Variants in FBXW4 observed in about 807,000 individuals in gnomAD.
FBXW4 encodes F-box and WD repeat domain containing 4.
A neutral mutation model predicts 61.8 loss-of-function variants in FBXW4; 40 were observed. The ratio of observed to expected loss-of-function variants is 0.65; its 90% CI spans 0.50 to 0.84. The LOEUF (loss-of-function observed/expected upper bound fraction) is 0.84, where lower values mean the gene tolerates loss of function less well. FBXW4 is among the 40% of genes least tolerant of loss of function. The pLI is 0.00. For synonymous variants in FBXW4, 311 were observed against 313.8 expected, an observed-to-expected ratio of 0.99 and a Z score of 0.10; for missense variants, 672 against 753.8, an observed-to-expected ratio of 0.89 and a Z score of 1.27.
chr10:101,611,638 G>A lies in FBXW4; in HGVS notation c.1574C>T (p.Ala525Val). 2 of 1,614,172 alleles carry A rather than the reference G, an allele frequency of 1.2e-6. No individual in the cohort carries two copies. Among genetic ancestry groups the A allele is most frequent in the East Asian group, 2.2e-5 (1 of 44,886 alleles). Residue 525 changes from alanine to valine, a missense_variant, in exon 8 of 9, where the codon GCC becomes GTC. Ala to Val is a moderately conservative substitution (Grantham distance 64, BLOSUM62 0). Around this residue, in one of 5 missense-constraint regions of FBXW4, gnomAD observed 312 missense variants for 370.1 expected, o/e 0.84. Coordinates refer to ENST00000331272, the MANE Select transcript of FBXW4 (RefSeq NM_022039.4). The surrounding 1 kb of genome is among the most constrained non-coding windows in gnomAD (Gnocchi z 4.9). ...GGGCAGGACACTTACGTGCAGGCAG[G>A]CCCTTTGACGCCGGTCCCACAGCCG... is the stretch of plus-strand genomic sequence containing the variant. ...VVRLWDRRQRACLHAFPLTST... is the reference protein window; with the variant it reads ...VVRLWDRRQRVCLHAFPLTST...
intron 5 of FBXW4, among the ~76,000 whole-genome samples, chr10:101,638,427 T>C (rs1319562692): frequency 1.3e-5 from 2 of 150,382 alleles, no homozygotes; most frequent in Non-Finnish European, 2.9e-5. Flanking sequence ...GATGAAACTA[T>C]ATGATATCTG....
intron 4 of FBXW4, among the ~76,000 whole-genome samples, chr10:101,669,380 CTCCCTGGGAGGCAGAT>C (rs2064337134): frequency 2.0e-5 from 3 of 152,300 alleles, no homozygotes; most frequent in Admixed American, 2.0e-4. Flanking sequence ...CTGACACAAA[CTCCCTGGGAGGCAGAT>C]TCTTTCTTAG....
At chr10:101,665,208 A>C (rs923653427) in intron 5 of FBXW4, among the ~76,000 whole-genome samples, 16 of 152,222 alleles carry the variant, frequency 1.1e-4, no homozygotes, top group African/African-American at 3.6e-4. Context: ...AAAGAGGCAG[A>C]GATAACACCG....
At chr10:101,625,690 AG>A (rs955834860) in intron 5 of FBXW4, 1 of 152,250 alleles carries the variant, frequency 6.6e-6, no homozygotes, top group Non-Finnish European at 1.5e-5. Flanking sequence ...AACTCTTGTT[AG>A]AGGATTTGGT....
chr10:101,673,014 G>A lies in FBXW4; in HGVS notation c.1041C>T (p.Ser347=). 6.2e-7 allele frequency: 1 copy of A among 1,613,856 alleles called. No homozygotes were observed. Among genetic ancestry groups the A allele is most frequent in the Non-Finnish European group, 8.5e-7 (1 of 1,179,970 alleles). The part of the protein sequence containing the change: ...DGKIGIHKIH[S]TFTVKYSAHE... Reference sequence around the variant, plus strand: ...GAGCCGAGTACTTGACAGTGAAGGTGCTGTGAATCTTATGAATGCCAATCT... The same window carrying A: ...GAGCCGAGTACTTGACAGTGAAGGTACTGTGAATCTTATGAATGCCAATCT... Residue 347 remains serine, a synonymous_variant, in exon 4 of 9, where the codon AGC becomes AGT. Transcript: ENST00000331272.
At chr10:101,684,549 C>G (rs1007986249) in intron 1 of FBXW4, among the ~76,000 whole-genome samples, 1 of 152,096 alleles carries the variant, frequency 6.6e-6, no homozygotes, top group African/African-American at 2.4e-5. Context: ...GTGTGAGCCA[C>G]AGCACCAGGC....
intron 1 of FBXW4, among the ~76,000 whole-genome samples, chr10:101,692,746 C>CAAAAA (rs61631625): frequency 1.3e-4 from 11 of 85,152 alleles, no homozygotes; most frequent in Non-Finnish European, 1.9e-4. Context: ...AACTCCGTCT[C>CAAAAA]AAAAAAAAAA....
intron 5 of FBXW4, chr10:101,625,078 C>G (rs1263466683): frequency 1.9e-6 from 1 of 527,314 alleles, no homozygotes; most frequent in Non-Finnish European, 3.4e-6. Context: ...GTGGTCTCTG[C>G]ACACCATAAA....
At chr10:101,676,235 A>G in intron 2 of FBXW4, 106 bp downstream of exon 2, 3 of 734,862 alleles carry the variant, frequency 4.1e-6, no homozygotes, top group Non-Finnish European at 6.6e-6. Flanking sequence ...ACCAGTGCCC[A>G]CCCACCCAAG....
chr10:101,614,348 A>G (rs1429578523), intron 6 of FBXW4, among the ~76,000 whole-genome samples: 1 of 152,214 alleles, frequency 6.6e-6, no homozygotes, highest in Non-Finnish European at 1.5e-5. Context: ...CCCTGGGTTC[A>G]GAGGGAAGGA....
At chr10:101,678,041 G>A (rs1210378523) in intron 1 of FBXW4, among the ~76,000 whole-genome samples, 4 of 152,142 alleles carry the variant, frequency 2.6e-5, no homozygotes, top group Non-Finnish European at 2.9e-5. Context: ...GCATATATGA[G>A]TGTTCATGGT....
intron 5 of FBXW4, among the ~76,000 whole-genome samples, chr10:101,648,325 ACC>A (rs1241354394): frequency 2.6e-5 from 4 of 152,118 alleles, no homozygotes; most frequent in African/African-American, 9.7e-5. Context: ...GAGATTTTCT[ACC>A]CCCTGCTCTT....
Position 101,694,287 on chromosome 10 carries a change from A to T in FBXW4, c.725+94T>A, listed in dbSNP as rs2064646131. On this transcript the variant is annotated intron_variant, in intron 1 of 8. Coordinates refer to ENST00000331272, the MANE Select transcript of FBXW4 (RefSeq NM_022039.4). This position sits in a 1 kb window ranked among gnomAD's most constrained non-coding sequence, Gnocchi z 6.0. Reference sequence around the variant, plus strand: ...TAGGCCTAGAAACTCGGGGTGCGACACGACCCTGGGCCGACCAGGCCGCGG... The same window carrying T: ...TAGGCCTAGAAACTCGGGGTGCGACTCGACCCTGGGCCGACCAGGCCGCGG... The T allele has an allele frequency of 4.2e-6, 5 of 1,201,040 alleles. No individual in the cohort carries two copies. The highest frequency in any genetic ancestry group is 5.3e-6 in the Non-Finnish European group (5 of 934,912). The allele number at this position is 1,201,040 out of a possible 1,614,324, so 74.4% of individuals were successfully genotyped here.
At chr10:101,678,373 T>C (rs184514753) in intron 1 of FBXW4, among the ~76,000 whole-genome samples, 24 of 152,360 alleles carry the variant, frequency 1.6e-4, no homozygotes, top group Admixed American at 1.5e-3. Context: ...GAGTGATAAC[T>C]GCCATGTCTG....
At chr10:101,620,214 G>C (rs917074882) in intron 6 of FBXW4, among the ~76,000 whole-genome samples, 3 of 152,184 alleles carry the variant, frequency 2.0e-5, no homozygotes. Flanking sequence ...TCCACCTCTC[G>C]GATTGGCCTG....
At chr10:101,667,861 C>T (rs565314270) in intron 5 of FBXW4, 25 bp downstream of exon 5, 3 of 1,591,898 alleles carry the variant, frequency 1.9e-6, no homozygotes, top group East Asian at 2.2e-5. Flanking sequence ...CAGGACAAAA[C>T]CACATCCAAA....
Position 101,650,847 on chromosome 10 carries a change from C to T in FBXW4, c.1235+17039G>A, listed in dbSNP as rs142796080. 6.4e-3 allele frequency among the ~76,000 whole-genome samples: 978 copies of T among 152,318 alleles called. 4 individuals are homozygous for T. Among genetic ancestry groups the T allele is most frequent in the Admixed American group, 8.6e-3 (131 of 15,308 alleles). On this transcript the variant is annotated intron_variant, in intron 5 of 8. Transcript: ENST00000331272. The stretch of plus-strand genomic sequence containing the variant: ...ATCAACACTCCGTGAACACACAAAA[C>T]TGACAGGGCAGAGGGGGAGCACACA...
chr10:101,693,490 T>C (rs552084079), intron 1 of FBXW4, among the ~76,000 whole-genome samples: 23 of 152,214 alleles, frequency 1.5e-4, no homozygotes, highest in Non-Finnish European at 3.1e-4. Context: ...AGATAGCAAT[T>C]ATATGTGCAA....
At chr10:101,663,890 T>C (rs990127644) in intron 5 of FBXW4, among the ~76,000 whole-genome samples, 1 of 152,190 alleles carries the variant, frequency 6.6e-6, no homozygotes, top group Admixed American at 6.5e-5. Context: ...GGGCTTCTTT[T>C]CCAGGTCATG....
Sources: allele counts gnomAD v4.1 joint callset (sites outside exome capture counted in the v4.1 genomes callset), GRCh38; gene constraint gnomAD v4.1.1; regional missense constraint gnomAD v4.1.1; non-coding constraint Gnocchi (gnomAD v3.1); transcripts MANE v1.5; gene names NCBI Gene and HGNC (gene_info 2026-07-23, HGNC 2026-07-21).